Variants in ADAMTS6 observed in about 807,000 individuals in gnomAD.
ADAMTS6 encodes the protein A disintegrin and metalloproteinase with thrombospondin motifs 6.
Under a neutral mutation model 144.3 loss-of-function variants are expected in ADAMTS6, and 23 were observed. The observed-to-expected ratio is 0.16, with a 90% confidence interval of 0.11 to 0.23. The LOEUF is 0.23. Ranked by LOEUF, ADAMTS6 falls within the 10% of genes least tolerant of loss-of-function variation. The pLI, the probability that ADAMTS6 is intolerant of heterozygous loss-of-function variation, is 1.00. For synonymous variants in ADAMTS6, 444 were observed against 457.5 expected, an observed-to-expected ratio of 0.97 and a Z score of 0.38; for missense variants, 999 against 1,379.6, an observed-to-expected ratio of 0.72 and a Z score of 4.37.
At chr5:65,418,896 C>T (rs1755779303) in intron 7 of ADAMTS6, among the ~76,000 whole-genome samples, 1 of 151,982 alleles carries the variant, frequency 6.6e-6, no homozygotes, top group African/African-American at 2.4e-5. Flanking sequence ...AAAACCAAAA[C>T]AACAAATGCT....
chr5:65,404,354 T>C (rs1299833783), intron 7 of ADAMTS6, among the ~76,000 whole-genome samples: 3 of 152,122 alleles, frequency 2.0e-5, no homozygotes, highest in Non-Finnish European at 2.9e-5. Context: ...GTCCAAGTGT[T>C]CTCATGGTTC....
chr5:65,374,188 A>G (rs1438770687), intron 7 of ADAMTS6, among the ~76,000 whole-genome samples: 1 of 152,180 alleles, frequency 6.6e-6, no homozygotes, highest in African/African-American at 2.4e-5. Flanking sequence ...ATTCCCTTAG[A>G]AAACTGGCAC....
intron 7 of ADAMTS6, among the ~76,000 whole-genome samples, chr5:65,408,092 A>G (rs1313345929): frequency 1.3e-5 from 2 of 152,208 alleles, no homozygotes; most frequent in Admixed American, 6.5e-5. Flanking sequence ...TACATAAACT[A>G]ATGGGCAAAA....
chr5:65,163,806 T>C (rs1752940065), intron 24 of ADAMTS6, among the ~76,000 whole-genome samples: 1 of 152,272 alleles, frequency 6.6e-6, no homozygotes, highest in Non-Finnish European at 1.5e-5. Context: ...TCTAAACTTC[T>C]GCACTATGCC....
chr5:65,277,652 C>T (rs1478541847), intron 11 of ADAMTS6, among the ~76,000 whole-genome samples: 1 of 151,680 alleles, frequency 6.6e-6, no homozygotes, highest in African/African-American at 2.4e-5. Context: ...ATTGGTGTTA[C>T]AGTAGACTGT....
chr5:65,275,423 AG>A (rs1192978238), intron 11 of ADAMTS6, among the ~76,000 whole-genome samples: 3 of 147,124 alleles, frequency 2.0e-5, no homozygotes, highest in Non-Finnish European at 3.0e-5. Context: ...AAGAAAAGAA[AG>A]AAAGAAAGAA....
intron 14 of ADAMTS6, among the ~76,000 whole-genome samples, chr5:65,244,530 A>G (rs1437104754): frequency 6.6e-6 from 1 of 152,160 alleles, no homozygotes; most frequent in Non-Finnish European, 1.5e-5. Context: ...TTCCTGTGAT[A>G]ACCACTCTCA....
At chr5:65,440,859 T>C (rs1757811847) in intron 7 of ADAMTS6, among the ~76,000 whole-genome samples, 1 of 151,958 alleles carries the variant, frequency 6.6e-6, no homozygotes, top group Non-Finnish European at 1.5e-5. Flanking sequence ...AAAACAAATT[T>C]TAAAAGAAAG....
At chr5:65,206,583 C>T (rs2112277830) in intron 20 of ADAMTS6, among the ~76,000 whole-genome samples, 1 of 151,570 alleles carries the variant, frequency 6.6e-6, no homozygotes, top group East Asian at 1.9e-4. Flanking sequence ...GCCTGTAATT[C>T]CAGCTACTCG....
At chr5:65,459,855 A>G (rs1247377038) in intron 4 of ADAMTS6, among the ~76,000 whole-genome samples, 1 of 152,244 alleles carries the variant, frequency 6.6e-6, no homozygotes, top group Non-Finnish European at 1.5e-5. Context: ...CTAAACGAAC[A>G]CCACAGAGTA....
chr5:65,275,351 AAGAGAAAGAAAG>A (rs1321441950), intron 11 of ADAMTS6, among the ~76,000 whole-genome samples: 1 of 125,972 alleles, frequency 7.9e-6, no homozygotes, highest in African/African-American at 3.0e-5. Context: ...AGAAAGAAAG[AAGAGAAAGAAAG>A]AAAGAAAGAA....
At chr5:65,370,789 T>G (rs1750808910) in intron 7 of ADAMTS6, among the ~76,000 whole-genome samples, 1 of 152,188 alleles carries the variant, frequency 6.6e-6, no homozygotes, top group Admixed American at 6.5e-5. Flanking sequence ...CAAGGAGGCC[T>G]GCCTGCCTCT....
At chr5:65,457,820 G>A (rs746964056) in intron 4 of ADAMTS6, among the ~76,000 whole-genome samples, 41 of 145,150 alleles carry the variant, frequency 2.8e-4, no homozygotes, top group Non-Finnish European at 4.5e-4. Flanking sequence ...GCTGCATTCA[G>A]GGTTCAAGCA....
At chr5:65,270,037 GC>G (rs1217071827) in intron 12 of ADAMTS6, among the ~76,000 whole-genome samples, 2 of 152,072 alleles carry the variant, frequency 1.3e-5, no homozygotes, top group Non-Finnish European at 2.9e-5. Flanking sequence ...AAGGTGATCA[GC>G]CCACCTAGGC....
intron 1 of ADAMTS6, among the ~76,000 whole-genome samples, chr5:65,479,779 G>A (rs1761079805): frequency 6.6e-6 from 1 of 152,148 alleles, no homozygotes; most frequent in South Asian, 2.1e-4. Context: ...CAGGTATTGG[G>A]ACCAGACATA....
intron 1 of ADAMTS6, 38 bp downstream of exon 1, chr5:65,481,300 TAAAAA>T (rs527269411): frequency 6.9e-6 from 1 of 144,670 alleles, no homozygotes; most frequent in Admixed American, 6.9e-5. Flanking sequence ...GTTGTTGGTT[TAAAAA>T]AAAAAAGCTC....
At chr5:65,354,321 C>G (rs569825690) in intron 7 of ADAMTS6, among the ~76,000 whole-genome samples, 6 of 151,738 alleles carry the variant, frequency 4.0e-5, no homozygotes, top group Non-Finnish European at 8.9e-5. Context: ...TCATCCCTCA[C>G]CTACTTATGG....
intron 7 of ADAMTS6, among the ~76,000 whole-genome samples, chr5:65,373,297 C>CA (rs1355161307): frequency 6.6e-6 from 1 of 151,134 alleles, no homozygotes; most frequent in Non-Finnish European, 1.5e-5. Context: ...AAAAGCCCTT[C>CA]AAAAAATCAA....
intron 7 of ADAMTS6, among the ~76,000 whole-genome samples, chr5:65,395,970 C>T (rs919698500): frequency 3.9e-5 from 6 of 152,174 alleles, no homozygotes; most frequent in Non-Finnish European, 5.9e-5. Context: ...TAACTGGCTT[C>T]AAGCCACATA....
Sources: gnomAD v4.1 joint callset for allele counts (sites outside exome capture counted in the v4.1 genomes callset) on GRCh38, gnomAD v4.1.1 for gene constraint, MANE v1.5 for transcripts, NCBI Gene and HGNC (gene_info 2026-07-23, HGNC 2026-07-21) for gene names.